Variants in DAGLB observed in about 807,000 individuals in gnomAD.
The protein encoded by DAGLB is diacylglycerol lipase-beta.
Under a neutral mutation model 72.1 loss-of-function variants are expected in DAGLB, and 66 were observed. The ratio of observed to expected loss-of-function variants is 0.92; its 90% CI spans 0.75 to 1.12. The LOEUF (loss-of-function observed/expected upper bound fraction) is 1.12, where lower values mean the gene tolerates loss of function less well. DAGLB is among the 50% of genes most tolerant of loss of function. The pLI is 0.00. For missense variants in DAGLB, 1,065 were observed against 884.9 expected (o/e 1.20, Z -2.58); for synonymous variants, 414 against 359.5 (o/e 1.15, Z -1.71).
Position 6,410,248 on chromosome 7 carries a change from G to C in DAGLB, c.1702C>G (p.Arg568Gly), listed in dbSNP as rs143835290. 1 of 1,613,166 alleles carries C rather than the reference G, an allele frequency of 6.2e-7. No homozygotes were observed. The highest frequency in any genetic ancestry group is 8.5e-7 in the Non-Finnish European group (1 of 1,179,634). The change falls in exon 14 of 15, where the codon CGC becomes GGC. Residue 568 changes from arginine to glycine, a missense_variant. Coordinates refer to ENST00000297056, the MANE Select transcript of DAGLB (RefSeq NM_139179.4). ...GAGAAGCTGTAGGCCGGGGACCAGC[G>C]CGTCAGTAGGCTCTGCTCCCCCAGA... The part of the protein sequence containing the change: ...PLLGEQSLLT[R>G]WSPAYSFSSD...
At chr7:6,431,344 T>G (rs1216760197) in intron 5 of DAGLB, among the ~76,000 whole-genome samples, 4 of 152,102 alleles carry the variant, frequency 2.6e-5, no homozygotes, top group African/African-American at 9.7e-5. Context: ...CAAGCAAAGC[T>G]GAACTGCTTC....
chr7:6,411,896 C>G (rs984962862), intron 13 of DAGLB, among the ~76,000 whole-genome samples: 8 of 152,042 alleles, frequency 5.3e-5, no homozygotes, highest in Admixed American at 5.2e-4. Flanking sequence ...TTGAACTTTT[C>G]AATGGATATC....
chr7:6,412,894 A>G lies in DAGLB; in HGVS notation c.1497-11T>C, dbSNP rs1354267461. On this transcript the variant is annotated splice_polypyrimidine_tract_variant and intron_variant, in intron 12 of 14. Coordinates refer to ENST00000297056, the MANE Select transcript of DAGLB (RefSeq NM_139179.4). ...TTGGTCACACTGAGCCTGTTTAGCA[A>G]AGGGGCACACTGAGGCTGGGACCTG... The G allele has an allele frequency of 6.2e-7, 1 of 1,611,240 alleles. No individual in the cohort carries two copies. The highest frequency in any genetic ancestry group is 8.5e-7 in the Non-Finnish European group (1 of 1,178,636).
chr7:6,419,494 C>T (rs957432645), intron 9 of DAGLB, among the ~76,000 whole-genome samples: 4 of 152,194 alleles, frequency 2.6e-5, no homozygotes, highest in African/African-American at 4.8e-5. Flanking sequence ...AAAGCCCTTT[C>T]GGCCACACAG....
chr7:6,413,242 G>A (rs1341417356), intron 11 of DAGLB, among the ~76,000 whole-genome samples: 4 of 152,242 alleles, frequency 2.6e-5, no homozygotes, highest in Admixed American at 2.0e-4. Flanking sequence ...CAACAGAGAC[G>A]CCCCGCAGCT....
intron 7 of DAGLB, among the ~76,000 whole-genome samples, chr7:6,425,416 C>T (rs1292464237): frequency 3.3e-5 from 5 of 152,168 alleles, no homozygotes; most frequent in Non-Finnish European, 4.4e-5. Context: ...AGACTACAGG[C>T]GCCTGCCACC....
intron 7 of DAGLB, among the ~76,000 whole-genome samples, chr7:6,425,655 CACAACCCAGG>C (rs1435372277): frequency 1.3e-5 from 2 of 152,182 alleles, no homozygotes; most frequent in Non-Finnish European, 2.9e-5. Flanking sequence ...TGATGGCACT[CACAACCCAGG>C]ACGACGATAC....
intron 8 of DAGLB, 53 bp downstream of exon 8, chr7:6,424,699 G>A: frequency 2.6e-6 from 4 of 1,568,534 alleles, no homozygotes; most frequent in Non-Finnish European, 2.6e-6. Context: ...GCAGCTGTGG[G>A]CTCCCGCTCC....
intron 4 of DAGLB, 72 bp from the exon 5 acceptor site, chr7:6,433,031 C>T (rs1277579833): frequency 6.4e-7 from 1 of 1,555,512 alleles, no homozygotes; most frequent in African/African-American, 1.4e-5. Flanking sequence ...AAAATCCAGT[C>T]TTCTATAGTT....
intron 9 of DAGLB, among the ~76,000 whole-genome samples, chr7:6,421,345 A>G (rs1305281022): frequency 7.1e-6 from 1 of 141,588 alleles, no homozygotes; most frequent in African/African-American, 2.6e-5. Context: ...CGGGAGGCGC[A>G]GGCAGCGCGG....
chr7:6,413,908 T>TTTCATCAACAGGAGGAGAGGAACACAG (rs1783817577), intron 11 of DAGLB, among the ~76,000 whole-genome samples: 1 of 152,158 alleles, frequency 6.6e-6, no homozygotes, highest in Non-Finnish European at 1.5e-5. Flanking sequence ...AGGTGCAGGC[T>TTTCATCAACAGGAGGAGAGGAACACAG]TTCATCAACA....
intron 4 of DAGLB, 148 bp from the exon 5 acceptor site, chr7:6,433,107 C>A (rs1236698831): frequency 8.0e-7 from 1 of 1,242,852 alleles, no homozygotes; most frequent in Non-Finnish European, 1.1e-6. Flanking sequence ...CTGCTCCTGG[C>A]AGGAGTGCTT....
At chr7:6,410,986 G>A (rs1311954371) in intron 13 of DAGLB, among the ~76,000 whole-genome samples, 20 of 146,350 alleles carry the variant, frequency 1.4e-4, no homozygotes, top group African/African-American at 4.6e-4. Context: ...CCGGGTTCAC[G>A]CCATTCTCCT....
chr7:6,425,428 C>T (rs1357006806), intron 7 of DAGLB, among the ~76,000 whole-genome samples: 2 of 152,188 alleles, frequency 1.3e-5, no homozygotes, highest in South Asian at 2.1e-4. Flanking sequence ...CCTGCCACCA[C>T]GCCCAGCTAA....
chr7:6,426,939 C>G (rs375993746), intron 6 of DAGLB, among the ~76,000 whole-genome samples: 14 of 152,216 alleles, frequency 9.2e-5, no homozygotes, highest in African/African-American at 3.4e-4. Context: ...GGAACCCCAC[C>G]TCTACTAAAA....
At position 6,410,283 on chromosome 7, in the gene DAGLB, G is replaced by A. The variant is rs779980426; in HGVS notation, c.1667C>T (p.Thr556Ile). 8 of 1,613,924 alleles carry A rather than the reference G, an allele frequency of 5.0e-6. No homozygotes were observed. The highest frequency in any genetic ancestry group is 8.5e-7 in the Non-Finnish European group (1 of 1,179,934). ...GCTCTGCTCCCCCAGAAGAGGCTGT[G>A]TCAGGACTTCCTGGTCGCCCCCGTC... ...ELDGGDQEVL[T>I]QPLLGEQSLL... Residue 556 changes from threonine (T) to isoleucine (I), a missense_variant, in exon 14 of 15, where the codon ACA (threonine) becomes ATA (isoleucine). Thr to Ile is a moderately conservative substitution (Grantham distance 89). Transcript: ENST00000297056.
chr7:6,410,512 A>G (rs1783686706), intron 13 of DAGLB, 132 bp from the exon 14 acceptor site: 1 of 1,357,484 alleles, frequency 7.4e-7, no homozygotes, highest in African/African-American at 1.5e-5. Context: ...AGACTCCAGC[A>G]AAGATGCACC....
chr7:6,415,535 C>T (rs1583281469), intron 11 of DAGLB, among the ~76,000 whole-genome samples: 1 of 144,604 alleles, frequency 6.9e-6, no homozygotes. Flanking sequence ...CTGGAATCAG[C>T]AAAAAAAAAT....
intron 9 of DAGLB, among the ~76,000 whole-genome samples, chr7:6,419,762 G>A (rs1784046683): frequency 6.6e-6 from 1 of 152,174 alleles, no homozygotes; most frequent in African/African-American, 2.4e-5. Context: ...GGGTTTCTGG[G>A]GCATCTCTGT....
Sources: allele counts gnomAD v4.1 joint callset (sites outside exome capture counted in the v4.1 genomes callset), GRCh38; gene constraint gnomAD v4.1.1; transcripts MANE v1.5; gene names NCBI Gene and HGNC (gene_info 2026-07-23, HGNC 2026-07-21).